Variants in ARHGAP10 observed in about 807,000 individuals in gnomAD.
ARHGAP10 encodes Rho GTPase activating protein 10.
ARHGAP10 carries 87 observed loss-of-function variants against 108.6 expected under a neutral mutation model. The observed-to-expected ratio is 0.80, with a 90% confidence interval of 0.67 to 0.96. The LOEUF (loss-of-function observed/expected upper bound fraction) is 0.96. Among genes scored for constraint, ARHGAP10 ranks in the 40% least tolerant of loss-of-function variants. ARHGAP10 has a pLI of 0.00. For missense variants in ARHGAP10, 939 were observed against 954.5 expected, an observed-to-expected ratio of 0.98 and a Z score of 0.21; for synonymous variants, 347 against 341.1, an observed-to-expected ratio of 1.02 and a Z score of -0.19.
intron 18 of ARHGAP10, chr4:148,023,028 T>C (rs1741627573): frequency 7.1e-6 from 3 of 424,746 alleles, no homozygotes; most frequent in Non-Finnish European, 1.3e-5. Context: ...AATTATTTGA[T>C]ATATAACAAT....
chr4:147,967,433 T>C (rs1739246653), intron 18 of ARHGAP10, among the ~76,000 whole-genome samples: 1 of 152,200 alleles, frequency 6.6e-6, no homozygotes, highest in Non-Finnish European at 1.5e-5. Flanking sequence ...TCTTCAAATA[T>C]GCTTAGGCAT....
At chr4:147,806,566 T>C (rs553423136) in intron 1 of ARHGAP10, among the ~76,000 whole-genome samples, 40 of 152,228 alleles carry the variant, frequency 2.6e-4, no homozygotes, top group Non-Finnish European at 4.6e-4. Context: ...ATAAGGAGTT[T>C]GCTGCTTTCA....
intron 15 of ARHGAP10, among the ~76,000 whole-genome samples, chr4:147,952,790 A>G (rs1286186312): frequency 2.0e-5 from 3 of 151,836 alleles, no homozygotes; most frequent in Non-Finnish European, 4.4e-5. Context: ...CTTTTTATGG[A>G]CTGTGCTTTT....
intron 1 of ARHGAP10, among the ~76,000 whole-genome samples, chr4:147,757,320 G>C (rs13119636): frequency 6.7e-6 from 1 of 149,284 alleles, no homozygotes; most frequent in African/African-American, 2.5e-5. Context: ...TCAGCCTCCC[G>C]AAAGCTGGGA....
At chr4:148,007,333 T>C (rs1280408657) in intron 18 of ARHGAP10, among the ~76,000 whole-genome samples, 3 of 152,194 alleles carry the variant, frequency 2.0e-5, no homozygotes, top group Non-Finnish European at 2.9e-5. Context: ...CATGTTCACA[T>C]GGTTACTCTG....
intron 1 of ARHGAP10, among the ~76,000 whole-genome samples, chr4:147,810,540 C>G (rs779461470): frequency 6.6e-6 from 1 of 152,192 alleles, no homozygotes; most frequent in African/African-American, 2.4e-5. Context: ...TACATCTCAT[C>G]TTTAATACAA....
chr4:147,830,945 A>G (rs1168674250), intron 3 of ARHGAP10, among the ~76,000 whole-genome samples: 2 of 152,252 alleles, frequency 1.3e-5, no homozygotes, highest in Non-Finnish European at 2.9e-5. Context: ...CAAATATGCT[A>G]TTCTTTCTTT....
At position 148,006,285 on chromosome 4, in the gene ARHGAP10, C is replaced by T. The variant is rs190654366; in HGVS notation, c.1717-16978C>T. Among the ~76,000 whole-genome samples, 239 of 152,334 alleles carry T rather than the reference C, an allele frequency of 1.6e-3. 1 individual carries two copies. Among genetic ancestry groups the T allele is most frequent in the African/African-American group, 5.2e-3 (216 of 41,566 alleles). On this transcript the variant is annotated intron_variant, in intron 18 of 22. Transcript: ENST00000336498. ...AGCTGTTCCAGCTTTCCTGTCCAGG[C>T]ACTGGACATGTGAAGAAACCTCTTG...
intron 1 of ARHGAP10, among the ~76,000 whole-genome samples, chr4:147,770,638 C>T (rs1006942323): frequency 6.6e-6 from 1 of 152,184 alleles, no homozygotes; most frequent in Non-Finnish European, 1.5e-5. Context: ...TTGAGCACTT[C>T]TTTGTACCAA....
intron 10 of ARHGAP10, among the ~76,000 whole-genome samples, chr4:147,886,652 CCTTCTCTCTTTCT>C (rs1735578639): frequency 2.6e-5 from 4 of 152,216 alleles, no homozygotes; most frequent in African/African-American, 9.6e-5. Context: ...TTCAGTTCTG[CCTTCTCTCTTTCT>C]AGAGAAGCAA....
chr4:147,958,198 G>T (rs1293134200), intron 16 of ARHGAP10, among the ~76,000 whole-genome samples: 1 of 152,222 alleles, frequency 6.6e-6, no homozygotes, highest in Non-Finnish European at 1.5e-5. Flanking sequence ...CTGTGTGTCA[G>T]CCTTTTGGCC....
chr4:147,890,338 C>A (rs1038446030), intron 10 of ARHGAP10, among the ~76,000 whole-genome samples: 8 of 152,126 alleles, frequency 5.3e-5, no homozygotes, highest in African/African-American at 1.9e-4. Context: ...TTTTTTTCTC[C>A]CTCAATTTAC....
chr4:147,749,108 A>T (rs1729045104), intron 1 of ARHGAP10, among the ~76,000 whole-genome samples: 1 of 152,142 alleles, frequency 6.6e-6, no homozygotes, highest in Admixed American at 6.5e-5. Context: ...TATGCCTTCT[A>T]TTTTTTTCCC....
intron 1 of ARHGAP10, among the ~76,000 whole-genome samples, chr4:147,780,962 C>T (rs139725305): frequency 3.9e-5 from 6 of 152,162 alleles, no homozygotes; most frequent in South Asian, 2.1e-4. Flanking sequence ...TGAGAGAAGA[C>T]GCTCCAGAGA....
In ARHGAP10 at chr4:147,955,329, C is replaced by A; in HGVS notation, c.1405C>A (p.Pro469Thr). The change falls in exon 16 of 23, where the codon CCT (proline) becomes ACT (threonine). Residue 469 changes from proline to threonine, a missense_variant. Coordinates refer to ENST00000336498, the MANE Select transcript of ARHGAP10 (RefSeq NM_024605.4). Reference protein sequence around the residue: ...LKQYLRSLPEPLMTYELHGDF... With the variant: ...LKQYLRSLPETLMTYELHGDF... ...CTTTTCACACAGGAGTCTTCCAGAG[C>A]CTCTCATGACCTATGAGTTACATGG... is the stretch of plus-strand genomic sequence containing the variant. 3.1e-6 allele frequency: 5 copies of A among 1,611,308 alleles called. No individual in the cohort carries two copies. Among genetic ancestry groups the A allele is most frequent in the Non-Finnish European group, 4.2e-6 (5 of 1,178,030 alleles).
At chr4:148,057,273 G>A (rs914212286) in intron 20 of ARHGAP10, among the ~76,000 whole-genome samples, 4 of 152,166 alleles carry the variant, frequency 2.6e-5, no homozygotes, top group African/African-American at 9.7e-5. Flanking sequence ...ATTTGCATGC[G>A]TACAATCCTT....
intron 4 of ARHGAP10, among the ~76,000 whole-genome samples, chr4:147,852,154 T>C (rs1733898754): frequency 6.6e-6 from 1 of 152,222 alleles, no homozygotes; most frequent in Non-Finnish European, 1.5e-5. Flanking sequence ...AAACAGGAGT[T>C]GCTCAGCTTT....
chr4:147,996,921 C>T (rs1560865806), intron 18 of ARHGAP10, among the ~76,000 whole-genome samples: 3 of 152,176 alleles, frequency 2.0e-5, no homozygotes, highest in African/African-American at 7.2e-5. Flanking sequence ...GAAGCTAGCC[C>T]TGCCAGCACC....
intron 5 of ARHGAP10, among the ~76,000 whole-genome samples, chr4:147,860,213 C>T (rs1348052780): frequency 1.3e-5 from 2 of 152,168 alleles, no homozygotes; most frequent in Non-Finnish European, 2.9e-5. Flanking sequence ...GAGGCCGAGG[C>T]GGGTGGATCA....
Sources: allele counts gnomAD v4.1 joint callset (sites outside exome capture counted in the v4.1 genomes callset), GRCh38; gene constraint gnomAD v4.1.1; transcripts MANE v1.5; gene names NCBI Gene and HGNC (gene_info 2026-07-23, HGNC 2026-07-21).